The following MAF variants were observed in gnomAD, a reference collection of about 807,000 sequenced individuals.
MAF encodes MAF bZIP transcription factor, also known as transcription factor Maf.
In MAF, 10 loss-of-function variants were observed where a neutral mutation model predicts 22.0. The ratio of observed to expected loss-of-function variants is 0.45; its 90% CI spans 0.28 to 0.77. MAF has a LOEUF of 0.77. Among genes scored for constraint, MAF ranks in the 30% least tolerant of loss-of-function variants. The pLI, the probability that MAF is intolerant of heterozygous loss-of-function variation, is 0.12. For missense variants in MAF, 544 were observed against 548.4 expected (o/e 0.99, Z 0.08); for synonymous variants, 337 against 255.8 (o/e 1.32, Z -3.03).
the MAF span, among the ~76,000 whole-genome samples, chr16:79,302,890 C>T: frequency 5.9e-5 from 9 of 152,334 alleles, no homozygotes; most frequent in Admixed American, 5.9e-4. Flanking sequence ...TTTAATGTAA[C>T]TGGGAACATA....
At chr16:79,302,008 C>G in the MAF span, among the ~76,000 whole-genome samples, 2 of 152,244 alleles carry the variant, frequency 1.3e-5, no homozygotes, top group Non-Finnish European at 2.9e-5. Context: ...GAGATCACCG[C>G]CTCTCACAGA....
At chr16:79,355,342 C>A in the MAF span, among the ~76,000 whole-genome samples, 1 of 152,214 alleles carries the variant, frequency 6.6e-6, no homozygotes. Flanking sequence ...AGATGTAGCT[C>A]AGGCTGTGGT....
the MAF span, among the ~76,000 whole-genome samples, chr16:79,224,429 A>G: frequency 1.3e-5 from 2 of 152,344 alleles, no homozygotes; most frequent in African/African-American, 4.8e-5. Flanking sequence ...AACTGGAAGC[A>G]TGCCTTTTGA....
the MAF span, among the ~76,000 whole-genome samples, chr16:79,281,546 C>CTTT: frequency 6.1e-4 from 71 of 115,498 alleles, no homozygotes; most frequent in South Asian, 1.3e-3. Flanking sequence ...TCTTTGAAGA[C>CTTT]TTTTTTTTTT....
the MAF span, among the ~76,000 whole-genome samples, chr16:79,475,200 A>G: frequency 2.0e-5 from 3 of 152,138 alleles, no homozygotes; most frequent in African/African-American, 7.2e-5. Context: ...AAGATTAACA[A>G]TTATCCGTTG....
the MAF span, among the ~76,000 whole-genome samples, chr16:79,522,933 C>G: frequency 2.6e-5 from 4 of 152,140 alleles, no homozygotes; most frequent in Admixed American, 6.5e-5. Context: ...ATTTCAAATT[C>G]CAGAGAAGAG....
At chr16:79,419,579 T>A in the MAF span, among the ~76,000 whole-genome samples, 2 of 152,196 alleles carry the variant, frequency 1.3e-5, no homozygotes, top group Non-Finnish European at 2.9e-5. Context: ...GTTCCACCTC[T>A]TATCTTCCAT....
the MAF span, chr16:79,206,252 G>C: frequency 6.6e-6 from 1 of 152,272 alleles, no homozygotes; most frequent in Non-Finnish European, 1.5e-5. Flanking sequence ...CGGCAGAGCA[G>C]GCAGAGAGGC....
the MAF span, among the ~76,000 whole-genome samples, chr16:79,354,641 T>C: frequency 2.6e-5 from 4 of 152,226 alleles, no homozygotes; most frequent in Non-Finnish European, 4.4e-5. Flanking sequence ...AAGGGATTGG[T>C]ACTGGGTGAT....
At chr16:79,459,190 C>A in the MAF span, among the ~76,000 whole-genome samples, 3 of 152,292 alleles carry the variant, frequency 2.0e-5, no homozygotes, top group South Asian at 2.1e-4. Flanking sequence ...ATTTGTCTCA[C>A]ATAAAAGTTC....
chr16:79,473,639 T>A, the MAF span, among the ~76,000 whole-genome samples: 1 of 152,216 alleles, frequency 6.6e-6, no homozygotes. Context: ...CAGAGCAGGC[T>A]GTGGAAAGGG....
At chr16:79,393,350 G>T in the MAF span, among the ~76,000 whole-genome samples, 1 of 152,194 alleles carries the variant, frequency 6.6e-6, no homozygotes, top group Non-Finnish European at 1.5e-5. Flanking sequence ...TTGGCGAATA[G>T]CCAGGGCTGG....
chr16:79,455,706 G>C, the MAF span, among the ~76,000 whole-genome samples: 24 of 152,268 alleles, frequency 1.6e-4, no homozygotes, highest in East Asian at 2.7e-3. Context: ...CCCTGAAAAT[G>C]TTGTATTTTT....
the MAF span, among the ~76,000 whole-genome samples, chr16:79,233,674 A>T: frequency 6.6e-6 from 1 of 152,210 alleles, no homozygotes; most frequent in Admixed American, 6.6e-5. Flanking sequence ...TGACATTTGA[A>T]AAATGGTAGA....
chr16:79,597,928 A>G, intron 1 of MAF: 2 of 1,040,132 alleles, frequency 1.9e-6, no homozygotes, highest in Non-Finnish European at 2.3e-6. Flanking sequence ...TTAATGGCAG[A>G]CTAAACTCTC....
chr16:79,468,970 G>A, the MAF span, among the ~76,000 whole-genome samples: 1 of 152,062 alleles, frequency 6.6e-6, no homozygotes, highest in East Asian at 1.9e-4. Context: ...TCCATATAAA[G>A]AGTGATGTTG....
the MAF span, among the ~76,000 whole-genome samples, chr16:79,472,139 T>C: frequency 1.3e-5 from 2 of 152,134 alleles, no homozygotes; most frequent in Non-Finnish European, 2.9e-5. Flanking sequence ...TTTATGGAAA[T>C]ATTTAGATGA....
chr16:79,427,961 C>A, the MAF span, among the ~76,000 whole-genome samples: 1 of 151,962 alleles, frequency 6.6e-6, no homozygotes, highest in East Asian at 1.9e-4. Flanking sequence ...GAAGGAGGGA[C>A]ACCCTTGATT....
the MAF span, chr16:79,203,825 A>C: frequency 2.6e-5 from 4 of 152,354 alleles, 1 homozygote; most frequent in South Asian, 6.2e-4. Flanking sequence ...ATTTTGGTGT[A>C]GATGGCGAAT....
Sources: allele counts gnomAD v4.1 joint callset (sites outside exome capture counted in the v4.1 genomes callset), GRCh38; gene constraint gnomAD v4.1.1; transcripts MANE v1.5; gene names NCBI Gene and HGNC (gene_info 2026-07-23, HGNC 2026-07-21).